ROBO2: variants seen among roughly 807,000 people sequenced by gnomAD.
ROBO2 encodes roundabout homolog 2.
Under a neutral mutation model 160.8 loss-of-function variants are expected in ROBO2, and 53 were observed. The ratio of observed to expected loss-of-function variants is 0.33; its 90% CI spans 0.26 to 0.41. The LOEUF (loss-of-function observed/expected upper bound fraction) is 0.41, where lower values mean the gene tolerates loss of function less well. Ranked by LOEUF, ROBO2 falls within the 10% of genes least tolerant of loss-of-function variation. The pLI, the probability that ROBO2 is intolerant of heterozygous loss-of-function variation, is 1.00. For missense variants in ROBO2, 1,577 were observed against 1,722.4 expected, an observed-to-expected ratio of 0.92 and a Z score of 1.49; for synonymous variants, 664 against 611.7, an observed-to-expected ratio of 1.09 and a Z score of -1.26.
chr3:76,266,894 A>G (rs1707132556), intron 2 of ROBO2, among the ~76,000 whole-genome samples: 2 of 152,160 alleles, frequency 1.3e-5, no homozygotes, highest in South Asian at 2.1e-4. Flanking sequence ...GATCTCTCAA[A>G]TAAGTAAGTG....
chr3:76,469,446 T>A (rs763620405), intron 2 of ROBO2, among the ~76,000 whole-genome samples: 28 of 152,080 alleles, frequency 1.8e-4, no homozygotes, highest in Non-Finnish European at 3.5e-4. Flanking sequence ...ACCCGTTTGA[T>A]GAGTTCCACA....
intron 2 of ROBO2, among the ~76,000 whole-genome samples, chr3:76,687,326 C>T (rs1005817191): frequency 1.3e-5 from 2 of 151,918 alleles, no homozygotes; most frequent in African/African-American, 4.8e-5. Flanking sequence ...GACAAAACAT[C>T]ATGTGAGAAT....
At chr3:77,270,702 T>G (rs2059429454) in intron 2 of ROBO2, among the ~76,000 whole-genome samples, 2 of 152,196 alleles carry the variant, frequency 1.3e-5, no homozygotes, top group Non-Finnish European at 2.9e-5. Flanking sequence ...CCCAGCACTT[T>G]GGGAGGCCAA....
intron 2 of ROBO2, among the ~76,000 whole-genome samples, chr3:77,303,599 A>C (rs1015684234): frequency 1.3e-5 from 2 of 152,138 alleles, no homozygotes; most frequent in African/African-American, 4.8e-5. Flanking sequence ...AGGCAATTAA[A>C]ATATAGGGGT....
chr3:77,399,856 A>C (rs560723343), intron 2 of ROBO2, among the ~76,000 whole-genome samples: 107 of 152,274 alleles, frequency 7.0e-4, no homozygotes, highest in Non-Finnish European at 1.1e-3. Flanking sequence ...CAGAAACCCT[A>C]AGTAACCTGC....
At chr3:77,189,179 AC>A (rs1234743240) in intron 2 of ROBO2, among the ~76,000 whole-genome samples, 1 of 151,916 alleles carries the variant, frequency 6.6e-6, no homozygotes, top group Non-Finnish European at 1.5e-5. Context: ...AGAATTTTAT[AC>A]TTGTGATGTA....
At chr3:76,391,914 G>T (rs1270647524) in intron 2 of ROBO2, among the ~76,000 whole-genome samples, 3 of 152,116 alleles carry the variant, frequency 2.0e-5, no homozygotes. Context: ...ATGCAAGTTT[G>T]TTGTTTAAAA....
intron 2 of ROBO2, among the ~76,000 whole-genome samples, chr3:76,525,604 G>A (rs2081907253): frequency 6.6e-6 from 1 of 151,830 alleles, no homozygotes; most frequent in Non-Finnish European, 1.5e-5. Flanking sequence ...CAACCAATGT[G>A]GCCAAATTGT....
chr3:75,987,097 T>C (rs1187997729), intron 2 of ROBO2, among the ~76,000 whole-genome samples: 3 of 151,938 alleles, frequency 2.0e-5, no homozygotes, highest in Admixed American at 6.6e-5. Flanking sequence ...TATTTCTTTC[T>C]ATAAAAATTG....
intron 14 of ROBO2, 72 bp downstream of exon 15, chr3:77,574,802 C>T: frequency 1.8e-6 from 2 of 1,107,868 alleles, no homozygotes; most frequent in South Asian, 1.3e-5. Context: ...TATTTGTTAT[C>T]TTCCTTAGAA....
chr3:76,678,427 A>G (rs2092469024), intron 2 of ROBO2, among the ~76,000 whole-genome samples: 2 of 152,074 alleles, frequency 1.3e-5, no homozygotes, highest in Non-Finnish European at 2.9e-5. Context: ...ACTATTGTGT[A>G]TGGTGTAGGG....
intron 2 of ROBO2, among the ~76,000 whole-genome samples, chr3:77,354,808 C>T (rs1406189558): frequency 3.3e-5 from 5 of 151,990 alleles, no homozygotes; most frequent in Non-Finnish European, 7.4e-5. Context: ...ATGGCTGGGA[C>T]AGAACGAGTG....
At chr3:77,057,589 T>TTTTTGG (rs2065884016) in intron 1 of ROBO2, among the ~76,000 whole-genome samples, 1 of 148,052 alleles carries the variant, frequency 6.8e-6, no homozygotes, top group Admixed American at 6.8e-5. Flanking sequence ...TTTTTTTTTT[T>TTTTTGG]GAGATGTAGT....
intron 2 of ROBO2, among the ~76,000 whole-genome samples, chr3:76,203,137 T>C (rs1482669684): frequency 6.6e-6 from 1 of 151,688 alleles, no homozygotes; most frequent in Non-Finnish European, 1.5e-5. Flanking sequence ...AATGTACCCG[T>C]GTATGTCTTT....
intron 2 of ROBO2, among the ~76,000 whole-genome samples, chr3:75,968,967 T>C (rs1356297449): frequency 1.3e-5 from 2 of 150,788 alleles, no homozygotes; most frequent in East Asian, 3.9e-4. Context: ...TAGCCACCAT[T>C]CTACTGTTTC....
intron 2 of ROBO2, among the ~76,000 whole-genome samples, chr3:76,279,884 G>A (rs1481089683): frequency 6.6e-6 from 1 of 151,966 alleles, no homozygotes; most frequent in Non-Finnish European, 1.5e-5. Flanking sequence ...TTTTGGGATT[G>A]ATTTGGTAAG....
intron 2 of ROBO2, among the ~76,000 whole-genome samples, chr3:76,200,333 G>A (rs1195670882): frequency 6.6e-6 from 1 of 152,122 alleles, no homozygotes; most frequent in Non-Finnish European, 1.5e-5. Context: ...GTGGGAAAGG[G>A]ATGCATTTGT....
chr3:76,266,089 T>A (rs1029207641), intron 2 of ROBO2, among the ~76,000 whole-genome samples: 1 of 152,180 alleles, frequency 6.6e-6, no homozygotes, highest in African/African-American at 2.4e-5. Flanking sequence ...TTTGTCAAAT[T>A]GCCTTTTCTG....
Position 76,272,795 on chromosome 3 carries a change from T to TAAA in ROBO2, c.109+335194_109+335195insAAA, listed in dbSNP as rs1553692972. ...TTATATATAAAATATATAAAATATA[T>TAAA]ATATATAAAATATATAATATGTATT... On this transcript the variant is annotated intron_variant, in intron 2 of 26. Coordinates refer to the ROBO2 transcript ENST00000487694. 1.4e-3 allele frequency among the ~76,000 whole-genome samples: 57 copies of TAAA among 40,154 alleles called. 3 individuals are homozygous for TAAA. The highest frequency in any genetic ancestry group is 4.5e-3 in the South Asian group (6 of 1,342). 26.3% of individuals were successfully genotyped at this position (40,154 alleles called of 152,430 possible).
Sources: gnomAD v4.1 joint callset for allele counts (sites outside exome capture counted in the v4.1 genomes callset) on GRCh38, gnomAD v4.1.1 for gene constraint, MANE v1.5 for transcripts, NCBI Gene and HGNC (gene_info 2026-07-23, HGNC 2026-07-21) for gene names.